NLGN1: variants seen among roughly 807,000 people sequenced by gnomAD.
NLGN1 encodes neuroligin 1.
In NLGN1, 12 loss-of-function variants were observed where a neutral mutation model predicts 65.5. That is an observed-to-expected ratio of 0.18 (90% CI 0.12 to 0.30). The LOEUF is 0.30. NLGN1 is among the 10% of genes least tolerant of loss of function. The pLI is 1.00. For synonymous variants in NLGN1, 350 were observed against 359.5 expected, an observed-to-expected ratio of 0.97 and a Z score of 0.30; for missense variants, 750 against 1,007.1, an observed-to-expected ratio of 0.74 and a Z score of 3.46.
intron 3 of NLGN1, among the ~76,000 whole-genome samples, chr3:173,803,743 T>C (rs1023612649): frequency 6.6e-6 from 1 of 152,186 alleles, no homozygotes; most frequent in East Asian, 1.9e-4. Flanking sequence ...CAGCCAACAC[T>C]TCTATGTTCA....
rs141908857 is a variant in NLGN1, at chr3:174,252,321, A to G, written c.647-22994A>G. Among the ~76,000 whole-genome samples the G allele has an allele frequency of 2.8e-4, 42 of 152,292 alleles. No homozygotes were observed. In the East Asian group the frequency reaches 3.7e-3, roughly 13 times the overall value. ...ACTAGATTTTTGCCATCATGTTTCT[A>G]TAACAAAAAACACCATTACATAAAA... On this transcript the variant is annotated intron_variant, in intron 4 of 6. Coordinates refer to ENST00000457714, the Ensembl canonical transcript of NLGN1.
intron 2 of NLGN1, among the ~76,000 whole-genome samples, chr3:173,544,764 A>G (rs1326139169): frequency 6.6e-6 from 1 of 152,250 alleles, no homozygotes; most frequent in Admixed American, 6.5e-5. Context: ...TCATGTTATA[A>G]TCAAGAAAGA....
intron 4 of NLGN1, among the ~76,000 whole-genome samples, chr3:174,141,908 C>T (rs1722355018): frequency 6.6e-6 from 1 of 152,056 alleles, no homozygotes; most frequent in African/African-American, 2.4e-5. Flanking sequence ...TTATTTGATA[C>T]TACATTTATA....
chr3:173,877,710 A>G (rs567087790), intron 4 of NLGN1, among the ~76,000 whole-genome samples: 1 of 152,176 alleles, frequency 6.6e-6, no homozygotes, highest in Non-Finnish European at 1.5e-5. Flanking sequence ...AAATTTTTTT[A>G]AAATAAAAGC....
intron 4 of NLGN1, among the ~76,000 whole-genome samples, chr3:173,967,391 A>G (rs1715134141): frequency 6.6e-6 from 1 of 152,136 alleles, no homozygotes; most frequent in African/African-American, 2.4e-5. Flanking sequence ...GAGATGTGTA[A>G]TGGTATGCTT....
chr3:173,500,047 T>C (rs1257874855), intron 2 of NLGN1, among the ~76,000 whole-genome samples: 5 of 152,112 alleles, frequency 3.3e-5, no homozygotes, highest in Non-Finnish European at 1.5e-5. Flanking sequence ...CTTTATTTCC[T>C]TCTCCTGCCT....
intron 3 of NLGN1, among the ~76,000 whole-genome samples, chr3:173,635,180 C>T (rs1192044935): frequency 6.6e-6 from 1 of 152,068 alleles, no homozygotes; most frequent in Non-Finnish European, 1.5e-5. Context: ...CTGCCCTTTG[C>T]TTCTTATATA....
At chr3:173,732,984 G>C (rs146600280) in intron 3 of NLGN1, among the ~76,000 whole-genome samples, 2 of 152,124 alleles carry the variant, frequency 1.3e-5, no homozygotes, top group African/African-American at 4.8e-5. Context: ...TACAAATATG[G>C]TATGTACAGA....
chr3:173,673,176 A>G (rs886472217), intron 3 of NLGN1, among the ~76,000 whole-genome samples: 1 of 152,278 alleles, frequency 6.6e-6, no homozygotes. Flanking sequence ...TCAGAATGGT[A>G]TTTTCTTGAT....
chr3:173,528,347 TTC>T lies in NLGN1; in HGVS notation c.-320-75926_-320-75925del, dbSNP rs201737664. ...ATTCCTTTTATAGGGGATTTGATGT[TTC>T]TCTCTAGCTGCTTTTAGAATTTGTT... On this transcript the variant is annotated intron_variant, in intron 2 of 6. Transcript: ENST00000457714. 6.1e-3 allele frequency among the ~76,000 whole-genome samples: 929 copies of T among 152,328 alleles called. 11 individuals are homozygous for T. The highest frequency in any genetic ancestry group is 0.022 in the African/African-American group (902 of 41,574).
chr3:174,219,375 A>G (rs188241595), intron 4 of NLGN1, among the ~76,000 whole-genome samples: 1 of 152,198 alleles, frequency 6.6e-6, no homozygotes, highest in Admixed American at 6.5e-5. Flanking sequence ...GGTTTATTAA[A>G]TCTGCTGCAT....
chr3:173,945,393 G>A (rs926294109), intron 4 of NLGN1, among the ~76,000 whole-genome samples: 1 of 152,100 alleles, frequency 6.6e-6, no homozygotes, highest in East Asian at 2.0e-4. Flanking sequence ...TGCAGAGCTG[G>A]CTGGAATGTG....
intron 4 of NLGN1, among the ~76,000 whole-genome samples, chr3:173,947,488 A>G (rs1259480355): frequency 2.0e-5 from 3 of 152,196 alleles, no homozygotes; most frequent in African/African-American, 4.8e-5. Context: ...TCTTAGCATA[A>G]TGCTTGTCAG....
intron 4 of NLGN1, among the ~76,000 whole-genome samples, chr3:173,987,059 T>A (rs1720106874): frequency 6.6e-6 from 1 of 152,188 alleles, no homozygotes; most frequent in African/African-American, 2.4e-5. Context: ...TGTACAGCCC[T>A]GTAAGCTTGA....
chr3:173,908,415 T>A (rs2152212046), intron 4 of NLGN1, among the ~76,000 whole-genome samples: 1 of 152,318 alleles, frequency 6.6e-6, no homozygotes, highest in East Asian at 1.9e-4. Context: ...TTTTCAAACC[T>A]CACAATCTCA....
chr3:174,194,905 A>C (rs1042697033), intron 4 of NLGN1, among the ~76,000 whole-genome samples: 2 of 126,962 alleles, frequency 1.6e-5, no homozygotes, highest in Non-Finnish European at 3.2e-5. Context: ...CTTATTGCCC[A>C]GGCTGGAGTG....
intron 3 of NLGN1, among the ~76,000 whole-genome samples, chr3:173,719,389 A>AT (rs1295857312): frequency 1.3e-5 from 2 of 151,742 alleles, no homozygotes; most frequent in South Asian, 2.1e-4. Context: ...CCTTTTGTCA[A>AT]TTTTTTTTAA....
chr3:173,828,261 T>C (rs1721765373), intron 4 of NLGN1, among the ~76,000 whole-genome samples: 1 of 152,148 alleles, frequency 6.6e-6, no homozygotes, highest in African/African-American at 2.4e-5. Flanking sequence ...AATTTGACCA[T>C]GCAGATTTCT....
intron 2 of NLGN1, among the ~76,000 whole-genome samples, chr3:173,602,766 G>T (rs1057141687): frequency 6.6e-6 from 1 of 152,002 alleles, no homozygotes; most frequent in African/African-American, 2.4e-5. Context: ...AAAGGAACTT[G>T]CAAAGACTCA....
Sources: allele counts gnomAD v4.1 joint callset (sites outside exome capture counted in the v4.1 genomes callset), GRCh38; gene constraint gnomAD v4.1.1; transcripts MANE v1.5; gene names NCBI Gene and HGNC (gene_info 2026-07-23, HGNC 2026-07-21).